NOX4: variants seen among roughly 807,000 people sequenced by gnomAD.
NOX4 encodes NADPH oxidase 4.
NOX4 carries 69 observed loss-of-function variants against 87.6 expected under a neutral mutation model. The ratio of observed to expected loss-of-function variants is 0.79; its 90% CI spans 0.65 to 0.96. The LOEUF (loss-of-function observed/expected upper bound fraction) is 0.96, where lower values mean the gene tolerates loss of function less well. Among genes scored for constraint, NOX4 ranks in the 40% least tolerant of loss-of-function variants. NOX4 has a pLI of 0.00. For missense variants in NOX4, 680 were observed against 681.5 expected (o/e 1.00, Z 0.02); for synonymous variants, 275 against 238.2 (o/e 1.15, Z -1.42).
intron 2 of NOX4, among the ~76,000 whole-genome samples, chr11:89,485,930 C>T (rs1052807721): frequency 6.6e-6 from 1 of 152,038 alleles, no homozygotes; most frequent in African/African-American, 2.4e-5. Flanking sequence ...CACATTAACT[C>T]AGGCATAAAC....
the NOX4 span, among the ~76,000 whole-genome samples, chr11:89,514,381 T>G: frequency 6.6e-6 from 1 of 151,946 alleles, no homozygotes; most frequent in South Asian, 2.1e-4. Flanking sequence ...TTTATTTAAC[T>G]CTAACAGTTT....
the NOX4 span, among the ~76,000 whole-genome samples, chr11:89,505,620 T>G: frequency 2.0e-5 from 3 of 151,730 alleles, no homozygotes; most frequent in Non-Finnish European, 4.4e-5. Flanking sequence ...GGAGGAAATG[T>G]GCGGCAAAGA....
chr11:89,543,753 A>G, the NOX4 span, among the ~76,000 whole-genome samples: 1 of 152,196 alleles, frequency 6.6e-6, no homozygotes, highest in East Asian at 1.9e-4. Context: ...GTCAACTAAC[A>G]TTAACTCCTC....
At chr11:89,531,891 A>G in the NOX4 span, among the ~76,000 whole-genome samples, 2 of 152,362 alleles carry the variant, frequency 1.3e-5, no homozygotes, top group South Asian at 4.1e-4. Flanking sequence ...TCCAGCTCCA[A>G]CCATGGCTAA....
At chr11:89,428,906 T>C (rs1232032218) in intron 7 of NOX4, among the ~76,000 whole-genome samples, 1 of 152,214 alleles carries the variant, frequency 6.6e-6, no homozygotes, top group Non-Finnish European at 1.5e-5. Flanking sequence ...ATCAGCAGAA[T>C]ACACATTCTT....
the NOX4 span, among the ~76,000 whole-genome samples, chr11:89,515,516 T>C: frequency 6.6e-6 from 1 of 151,760 alleles, no homozygotes; most frequent in African/African-American, 2.4e-5. Flanking sequence ...TCACATTCTG[T>C]GTCTTGTTTT....
chr11:89,478,466 C>T (rs1016532488), intron 2 of NOX4, among the ~76,000 whole-genome samples: 1 of 152,072 alleles, frequency 6.6e-6, no homozygotes. Context: ...GACATCATGC[C>T]ACTCTCACTG....
At chr11:89,396,452 A>G (rs902832906) in intron 11 of NOX4, among the ~76,000 whole-genome samples, 2 of 152,154 alleles carry the variant, frequency 1.3e-5, no homozygotes, top group Non-Finnish European at 2.9e-5. Flanking sequence ...ATCTGCAAAC[A>G]GGGAAAATTT....
At chr11:89,550,115 A>G in the NOX4 span, among the ~76,000 whole-genome samples, 1 of 151,970 alleles carries the variant, frequency 6.6e-6, no homozygotes, top group South Asian at 2.1e-4. Flanking sequence ...ACTCCCACCA[A>G]CAGTGTAAAA....
chr11:89,560,663 G>A, the NOX4 span, among the ~76,000 whole-genome samples: 2 of 151,880 alleles, frequency 1.3e-5, no homozygotes, highest in African/African-American at 2.4e-5. Flanking sequence ...AACAAAAAGC[G>A]AGAAGAAAGG....
chr11:89,431,535 G>A lies in NOX4; in HGVS notation c.548+1249C>T, dbSNP rs963958671. ...AACAAACAACCCCATCAAAAAGTAG[G>A]CAAAGGATATGAACAGACACCTCTC... On this transcript the variant is annotated intron_variant, in intron 7 of 17. Transcript: ENST00000263317. Among the ~76,000 whole-genome samples, 26 of 152,034 alleles carry A rather than the reference G, an allele frequency of 1.7e-4. 1 individual carries two copies. Among genetic ancestry groups the A allele is most frequent in the Admixed American group, 1.4e-3 (21 of 15,264 alleles).
At chr11:89,447,009 C>T (rs763916824) in intron 4 of NOX4, among the ~76,000 whole-genome samples, 2 of 152,082 alleles carry the variant, frequency 1.3e-5, no homozygotes, top group African/African-American at 2.4e-5. Context: ...ATATCTTCCT[C>T]TCAATTTTGC....
chr11:89,390,360 C>T (rs955164202), intron 11 of NOX4, among the ~76,000 whole-genome samples: 2 of 152,166 alleles, frequency 1.3e-5, no homozygotes, highest in African/African-American at 2.4e-5. Flanking sequence ...AGCTATAAAC[C>T]ACTTCCTAAG....
the NOX4 span, among the ~76,000 whole-genome samples, chr11:89,546,310 T>C: frequency 0.41 from 63,059 of 151,988 alleles, 13,941 homozygotes; most frequent in African/African-American, 0.57. Flanking sequence ...ATTGATAAGC[T>C]TATGAAATTT....
chr11:89,575,959 T>C, the NOX4 span, among the ~76,000 whole-genome samples: 3 of 152,226 alleles, frequency 2.0e-5, no homozygotes, highest in Non-Finnish European at 4.4e-5. Context: ...TGTCTCCTAG[T>C]TATAACAGTC....
chr11:89,370,821 T>C (rs1397319159), intron 12 of NOX4, among the ~76,000 whole-genome samples: 3 of 152,060 alleles, frequency 2.0e-5, no homozygotes, highest in Non-Finnish European at 2.9e-5. Context: ...TTCTTTGTCT[T>C]GTGCCGCATA....
chr11:89,531,589 G>A, the NOX4 span, among the ~76,000 whole-genome samples: 1 of 152,134 alleles, frequency 6.6e-6, no homozygotes, highest in Non-Finnish European at 1.5e-5. Flanking sequence ...GGGTCATGGG[G>A]GCAGTTTTCC....
At chr11:89,531,671 G>A in the NOX4 span, among the ~76,000 whole-genome samples, 804 of 152,248 alleles carry the variant, frequency 5.3e-3, 11 homozygotes, top group Admixed American at 0.03. Flanking sequence ...GCAGTTCCCC[G>A]CTCACTCTCT....
At chr11:89,560,996 C>CTATATATATATA in the NOX4 span, among the ~76,000 whole-genome samples, 7 of 40,796 alleles carry the variant, frequency 1.7e-4, no homozygotes, top group Non-Finnish European at 2.4e-4. Context: ...CTCTCTCTCT[C>CTATATATATATA]TATATATATA....
Sources: allele counts gnomAD v4.1 joint callset (sites outside exome capture counted in the v4.1 genomes callset), GRCh38; gene constraint gnomAD v4.1.1; transcripts MANE v1.5; gene names NCBI Gene and HGNC (gene_info 2026-07-23, HGNC 2026-07-21).